The following TMEM132D variants were observed in gnomAD, a reference collection of about 807,000 sequenced individuals.
TMEM132D encodes the protein mature OL transmembrane protein.
Under a neutral mutation model 62.3 loss-of-function variants are expected in TMEM132D, and 21 were observed. The observed-to-expected ratio is 0.34, with a 90% CI of 0.24 to 0.49. TMEM132D has a LOEUF of 0.49. Ranked by LOEUF, TMEM132D falls within the 20% of genes least tolerant of loss-of-function variation. TMEM132D has a pLI of 0.99. For synonymous variants in TMEM132D, 621 were observed against 575.6 expected (o/e 1.08, Z -1.13); for missense variants, 1,346 against 1,402.8 (o/e 0.96, Z 0.65).
intron 5 of TMEM132D, among the ~76,000 whole-genome samples, chr12:129,175,472 G>C (rs563528145): frequency 6.6e-6 from 1 of 152,176 alleles, no homozygotes; most frequent in Non-Finnish European, 1.5e-5. Context: ...AAGGTTGTAA[G>C]AGAAAATTAT....
At chr12:129,752,294 C>T (rs553908993) in intron 1 of TMEM132D, among the ~76,000 whole-genome samples, 8 of 152,266 alleles carry the variant, frequency 5.3e-5, no homozygotes, top group South Asian at 2.1e-4. Context: ...TAACTGAAAA[C>T]ATACAAATGT....
chr12:129,385,880 A>T (rs75720961), intron 3 of TMEM132D, among the ~76,000 whole-genome samples: 15,210 of 152,216 alleles, frequency 0.1, 922 homozygotes, highest in African/African-American at 0.16. Context: ...CTGGGGATCA[A>T]TTCTGACATT....
intron 2 of TMEM132D, among the ~76,000 whole-genome samples, chr12:129,611,594 T>A (rs1428347660): frequency 1.3e-5 from 2 of 152,184 alleles, no homozygotes; most frequent in Non-Finnish European, 2.9e-5. Flanking sequence ...CTCTCCTCCA[T>A]CCAGTGACTT....
At chr12:129,091,037 T>C (rs1237909316) in intron 5 of TMEM132D, among the ~76,000 whole-genome samples, 1 of 152,234 alleles carries the variant, frequency 6.6e-6, no homozygotes, top group Non-Finnish European at 1.5e-5. Flanking sequence ...GGTACATTGC[T>C]TTATGAAAGG....
chr12:129,126,669 G>A (rs916777650), intron 5 of TMEM132D, among the ~76,000 whole-genome samples: 4 of 152,138 alleles, frequency 2.6e-5, no homozygotes, highest in African/African-American at 4.8e-5. Context: ...CTTATGTTAC[G>A]TATGGAATTA....
intron 2 of TMEM132D, among the ~76,000 whole-genome samples, chr12:129,674,722 G>T (rs1435535758): frequency 6.6e-6 from 1 of 152,180 alleles, no homozygotes; most frequent in African/African-American, 2.4e-5. Context: ...TGTATTTTTA[G>T]TACAGATGGG....
intron 5 of TMEM132D, among the ~76,000 whole-genome samples, chr12:129,127,192 T>G (rs970829914): frequency 4.6e-5 from 7 of 152,192 alleles, no homozygotes; most frequent in Admixed American, 1.3e-4. Context: ...TTTTCTTGAT[T>G]GAGTTTTTGT....
intron 3 of TMEM132D, among the ~76,000 whole-genome samples, chr12:129,387,610 C>G (rs1469659939): frequency 6.6e-6 from 1 of 152,136 alleles, no homozygotes; most frequent in Non-Finnish European, 1.5e-5. Flanking sequence ...AACACTAACA[C>G]TAATGCCACC....
At chr12:129,431,173 C>A (rs552253506) in intron 3 of TMEM132D, among the ~76,000 whole-genome samples, 2 of 152,340 alleles carry the variant, frequency 1.3e-5, no homozygotes, top group East Asian at 3.9e-4. Context: ...TCACAAGTAG[C>A]CCTTGAGGTA....
At chr12:129,549,646 G>A (rs1876837623) in intron 2 of TMEM132D, among the ~76,000 whole-genome samples, 1 of 152,194 alleles carries the variant, frequency 6.6e-6, no homozygotes, top group Non-Finnish European at 1.5e-5. Context: ...TCGCAGGTAT[G>A]TCTTTATCAG....
chr12:129,124,242 C>G (rs936433533), intron 5 of TMEM132D, among the ~76,000 whole-genome samples: 1 of 152,156 alleles, frequency 6.6e-6, no homozygotes, highest in African/African-American at 2.4e-5. Context: ...GCCCAGAGCT[C>G]TCTTCATCTA....
intron 1 of TMEM132D, among the ~76,000 whole-genome samples, chr12:129,870,383 T>C (rs545944349): frequency 1.3e-5 from 2 of 152,212 alleles, no homozygotes; most frequent in South Asian, 4.2e-4. Context: ...GGTTTACAGT[T>C]CCACTCCCCA....
intron 2 of TMEM132D, among the ~76,000 whole-genome samples, chr12:129,581,306 G>A (rs1017249363): frequency 1.3e-5 from 2 of 152,192 alleles, no homozygotes; most frequent in African/African-American, 4.8e-5. Context: ...CATGAGCCAA[G>A]TGTACTAGGG....
rs549743238 is a variant in TMEM132D, at chr12:129,619,016, A to G, written c.968+80794T>C. On this transcript the variant is annotated intron_variant, in intron 2 of 8. Transcript: ENST00000422113. ...AGCAGAAAGGAATAACTGGGTTGAG[A>G]TAAGGGGTTGTGAAGACCAAGGTTT... 2.0e-5 allele frequency among the ~76,000 whole-genome samples: 3 copies of G among 152,322 alleles called. No homozygotes were observed. In the East Asian group the frequency reaches 5.8e-4, roughly 29 times the overall value.
intron 3 of TMEM132D, among the ~76,000 whole-genome samples, chr12:129,383,028 T>A (rs1870999698): frequency 6.6e-6 from 1 of 152,154 alleles, no homozygotes; most frequent in African/African-American, 2.4e-5. Context: ...TGCTTCTAGC[T>A]TCTAGGAGTA....
At chr12:129,359,889 C>G (rs757994949) in intron 3 of TMEM132D, among the ~76,000 whole-genome samples, 2 of 151,534 alleles carry the variant, frequency 1.3e-5, no homozygotes, top group Non-Finnish European at 2.9e-5. Flanking sequence ...GATAAGAATT[C>G]AGAGACCAGG....
intron 3 of TMEM132D, among the ~76,000 whole-genome samples, chr12:129,492,494 A>G (rs1291382388): frequency 6.6e-6 from 1 of 152,198 alleles, no homozygotes; most frequent in Non-Finnish European, 1.5e-5. Context: ...TGCACAAAAT[A>G]TAACTACATG....
chr12:129,560,718 A>G (rs1247009887), intron 2 of TMEM132D, among the ~76,000 whole-genome samples: 4 of 152,290 alleles, frequency 2.6e-5, no homozygotes, highest in Admixed American at 1.3e-4. Context: ...ACAAACAACA[A>G]AAGTTTATCT....
intron 1 of TMEM132D, among the ~76,000 whole-genome samples, chr12:129,874,456 T>A (rs1044595306): frequency 6.6e-6 from 1 of 151,810 alleles, no homozygotes; most frequent in Non-Finnish European, 1.5e-5. Flanking sequence ...TAAAAGTAAC[T>A]GTGTGAGGTG....
Sources: allele counts gnomAD v4.1 joint callset (sites outside exome capture counted in the v4.1 genomes callset), GRCh38; gene constraint gnomAD v4.1.1; transcripts MANE v1.5; gene names NCBI Gene and HGNC (gene_info 2026-07-23, HGNC 2026-07-21).